CXADR: variants seen among roughly 807,000 people sequenced by gnomAD.
CXADR encodes CXADR cell adhesion molecule.
In CXADR, 20 loss-of-function variants were observed where a neutral mutation model predicts 40.3. The observed-to-expected ratio is 0.50, with a 90% confidence interval of 0.35 to 0.72. CXADR has a LOEUF of 0.72. Ranked by LOEUF, CXADR falls within the 30% of genes least tolerant of loss-of-function variation. The pLI is 0.01. For synonymous variants in CXADR, 150 were observed against 161.3 expected (o/e 0.93, Z 0.53); for missense variants, 332 against 449.1 (o/e 0.74, Z 2.36).
chr21:17,577,641 A>C (rs1450259926), intron 7 of CXADR, among the ~76,000 whole-genome samples: 1 of 48,836 alleles, frequency 2.0e-5, no homozygotes, highest in African/African-American at 1.4e-4. Flanking sequence ...TTTTTTTTTT[A>C]ACTGATGCAT....
the CXADR span, among the ~76,000 whole-genome samples, chr21:17,619,232 T>C: frequency 6.6e-6 from 1 of 152,118 alleles, no homozygotes. Flanking sequence ...TTAAGAGAGT[T>C]AGCCAGGCTG....
At chr21:17,630,032 T>C in the CXADR span, among the ~76,000 whole-genome samples, 1 of 152,136 alleles carries the variant, frequency 6.6e-6, no homozygotes, top group Non-Finnish European at 1.5e-5. Flanking sequence ...GGGAGGTAAA[T>C]GGGCTTCCGG....
At chr21:17,535,808 A>T (rs2060747738) in intron 1 of CXADR, among the ~76,000 whole-genome samples, 1 of 152,120 alleles carries the variant, frequency 6.6e-6, no homozygotes, top group Non-Finnish European at 1.5e-5. Context: ...GGAGTTCAAG[A>T]CCAGCCTGAA....
chr21:17,606,022 G>C, the CXADR span, among the ~76,000 whole-genome samples: 3 of 152,174 alleles, frequency 2.0e-5, no homozygotes, highest in Non-Finnish European at 2.9e-5. Flanking sequence ...TAAATTATTA[G>C]TTGGTTTTAA....
chr21:17,586,323 T>C (rs1164794623), intron 7 of CXADR, among the ~76,000 whole-genome samples: 1 of 150,092 alleles, frequency 6.7e-6, no homozygotes, highest in Non-Finnish European at 1.5e-5. Flanking sequence ...CCATTCCAAA[T>C]GGCCTGTCTT....
At chr21:17,574,196 A>G (rs577883356), downstream of CXADR, among the ~76,000 whole-genome samples, 2 of 152,326 alleles carry the variant, frequency 1.3e-5, no homozygotes, top group South Asian at 4.1e-4. Flanking sequence ...CTTCCCCTTC[A>G]AAAGGCATTA....
chr21:17,579,432 ATG>A (rs2061344989), intron 7 of CXADR, among the ~76,000 whole-genome samples: 1 of 151,818 alleles, frequency 6.6e-6, no homozygotes, highest in Non-Finnish European at 1.5e-5. Flanking sequence ...CTACAGGTGC[ATG>A]CCACCACACC....
chr21:17,604,483 GAAAC>G, the CXADR span, among the ~76,000 whole-genome samples: 1 of 152,180 alleles, frequency 6.6e-6, no homozygotes. Context: ...AACAGAAACA[GAAAC>G]AAACCAAAAG....
intron 1 of CXADR, among the ~76,000 whole-genome samples, 169 bp downstream of exon 1, chr21:17,513,341 G>C (rs1480330957): frequency 6.6e-6 from 1 of 151,624 alleles, no homozygotes; most frequent in Admixed American, 6.6e-5. Context: ...TTGCTGGGCC[G>C]GGCGCTCCTG....
intron 1 of CXADR, among the ~76,000 whole-genome samples, chr21:17,515,754 CCA>C (rs2123091373): frequency 6.6e-6 from 1 of 151,436 alleles, no homozygotes; most frequent in East Asian, 2.0e-4. Context: ...TGCAGTGAGC[CCA>C]CATCGCGCCA....
chr21:17,575,248 G>A (rs1405659256), intron 7 of CXADR, among the ~76,000 whole-genome samples: 6 of 151,964 alleles, frequency 3.9e-5, no homozygotes, highest in East Asian at 1.9e-4. Flanking sequence ...GCAGTGGTGC[G>A]ATTATAGCTC....
intron 1 of CXADR, among the ~76,000 whole-genome samples, chr21:17,538,219 TC>T (rs1341098953): frequency 0.014 from 1 of 74 alleles, no homozygotes; most frequent in African/African-American, 0.071. Context: ...CAGGATGGTC[TC>T]AGATCTCCTG....
chr21:17,531,078 T>A (rs1569087094), intron 1 of CXADR, among the ~76,000 whole-genome samples: 1 of 152,172 alleles, frequency 6.6e-6, no homozygotes, highest in East Asian at 1.9e-4. Flanking sequence ...GGTGGGTGGA[T>A]CACGAGGTCA....
At chr21:17,606,494 T>C in the CXADR span, among the ~76,000 whole-genome samples, 3 of 152,146 alleles carry the variant, frequency 2.0e-5, no homozygotes, top group African/African-American at 7.2e-5. Flanking sequence ...ATAGGGTAAT[T>C]TGAAAGATCC....
At chr21:17,595,301 A>AT (rs1374586380), downstream of CXADR, among the ~76,000 whole-genome samples, 4 of 151,986 alleles carry the variant, frequency 2.6e-5, no homozygotes, top group Admixed American at 6.6e-5. Context: ...TAAGTATAGG[A>AT]TTTTTTTAAA....
At chr21:17,593,146 T>A (rs2061456763) in intron 7 of CXADR, 1 of 1,418,604 alleles carries the variant, frequency 7.0e-7, no homozygotes, top group Non-Finnish European at 9.3e-7. Context: ...TTTTTTCTTT[T>A]TGTAGTTCAA....
downstream of CXADR, among the ~76,000 whole-genome samples, chr21:17,595,203 G>C (rs2061489244): frequency 1.3e-5 from 2 of 151,996 alleles, no homozygotes. Flanking sequence ...ATTATTCAAA[G>C]TGTTCTTATC....
At chr21:17,605,130 T>C in the CXADR span, 1 of 1,021,044 alleles carries the variant, frequency 9.8e-7, no homozygotes, top group South Asian at 1.7e-5. Context: ...CCTAGGAGCA[T>C]ATCTATCCTA....
intron 1 of CXADR, among the ~76,000 whole-genome samples, chr21:17,515,819 CA>C (rs941335316): frequency 8.0e-5 from 12 of 150,368 alleles, no homozygotes; most frequent in African/African-American, 2.7e-4. Flanking sequence ...AACAAATAAA[CA>C]AAAAAAAAGG....
Sources: allele counts gnomAD v4.1 joint callset (sites outside exome capture counted in the v4.1 genomes callset), GRCh38; gene constraint gnomAD v4.1.1; transcripts MANE v1.5; gene names NCBI Gene and HGNC (gene_info 2026-07-23, HGNC 2026-07-21).